The following MAP2 variants were observed in gnomAD, a reference collection of about 807,000 sequenced individuals.
MAP2 encodes microtubule-associated protein 2.
A neutral mutation model predicts 137.6 loss-of-function variants in MAP2; 14 were observed. That is an observed-to-expected ratio of 0.10 (90% confidence interval 0.07 to 0.16). MAP2 has a LOEUF of 0.16. MAP2 is among the 10% of genes least tolerant of loss of function. MAP2 has a pLI of 1.00. For synonymous variants in MAP2, 786 were observed against 782.3 expected (o/e 1.00, Z -0.08); for missense variants, 2,088 against 2,191.5 (o/e 0.95, Z 0.94).
intron 3 of MAP2, among the ~76,000 whole-genome samples, chr2:209,587,248 C>T (rs1273735929): frequency 6.6e-6 from 1 of 152,106 alleles, no homozygotes; most frequent in Non-Finnish European, 1.5e-5. Flanking sequence ...CATCACACTC[C>T]TCTGTGGGAA....
At chr2:209,727,497 GT>G (rs1354850346) in intron 14 of MAP2, among the ~76,000 whole-genome samples, 6 of 152,190 alleles carry the variant, frequency 3.9e-5, no homozygotes, top group Non-Finnish European at 7.3e-5. Flanking sequence ...ATAAAAGGCT[GT>G]TGTCATGGAC....
intron 1 of MAP2, among the ~76,000 whole-genome samples, chr2:209,427,348 A>G (rs183561681): frequency 9.9e-5 from 15 of 152,138 alleles, no homozygotes; most frequent in Admixed American, 9.2e-4. Context: ...ACAATCTCAA[A>G]TTTTTTTGTC....
intron 4 of MAP2, among the ~76,000 whole-genome samples, chr2:209,642,012 C>G (rs138842898): frequency 6.6e-6 from 1 of 152,054 alleles, no homozygotes; most frequent in Non-Finnish European, 1.5e-5. Context: ...AGCAATGGAA[C>G]GGATGTTGGG....
At chr2:209,493,220 T>C (rs2059349502) in intron 1 of MAP2, among the ~76,000 whole-genome samples, 1 of 152,208 alleles carries the variant, frequency 6.6e-6, no homozygotes, top group Non-Finnish European at 1.5e-5. Flanking sequence ...GAAAACTCGC[T>C]AGCCATATGC....
At chr2:209,572,041 A>G (rs2074482319) in intron 2 of MAP2, among the ~76,000 whole-genome samples, 1 of 151,984 alleles carries the variant, frequency 6.6e-6, no homozygotes, top group African/African-American at 2.4e-5. Flanking sequence ...ATCCAAAAAT[A>G]ATTTGAAATG....
At chr2:209,580,585 T>C (rs2076183531) in intron 3 of MAP2, among the ~76,000 whole-genome samples, 1 of 152,154 alleles carries the variant, frequency 6.6e-6, no homozygotes, top group Non-Finnish European at 1.5e-5. Context: ...ACAAATAAAA[T>C]ATTGTAACTT....
intron 1 of MAP2, among the ~76,000 whole-genome samples, chr2:209,452,940 T>G (rs1415346263): frequency 2.6e-5 from 4 of 152,048 alleles, no homozygotes; most frequent in Non-Finnish European, 5.9e-5. Flanking sequence ...TACCTATCCA[T>G]TTTTTTCTTC....
At chr2:209,533,722 C>T (rs929410039) in intron 2 of MAP2, among the ~76,000 whole-genome samples, 8 of 152,156 alleles carry the variant, frequency 5.3e-5, no homozygotes, top group Non-Finnish European at 1.0e-4. Flanking sequence ...AGAATTGTCT[C>T]GTTCTAGGGA....
chr2:209,543,020 T>C (rs1478325378), intron 2 of MAP2, among the ~76,000 whole-genome samples: 1 of 152,238 alleles, frequency 6.6e-6, no homozygotes, highest in Non-Finnish European at 1.5e-5. Flanking sequence ...TATTTCAGTT[T>C]TTAACATGCC....
At chr2:209,636,388 T>C (rs2093565773) in intron 4 of MAP2, among the ~76,000 whole-genome samples, 1 of 152,112 alleles carries the variant, frequency 6.6e-6, no homozygotes. Context: ...CCTACTGGCC[T>C]ACTGGGAAGC....
chr2:209,600,167 A>G (rs979329331), intron 3 of MAP2, among the ~76,000 whole-genome samples: 1 of 152,088 alleles, frequency 6.6e-6, no homozygotes, highest in Admixed American at 6.6e-5. Flanking sequence ...TTTCACTCTT[A>G]CCCAAAATAA....
At chr2:209,686,164 G>A (rs536618023) in intron 7 of MAP2, among the ~76,000 whole-genome samples, 3 of 152,280 alleles carry the variant, frequency 2.0e-5, no homozygotes, top group Non-Finnish European at 4.4e-5. Flanking sequence ...GCTCAGCTGC[G>A]AAATCGTGCC....
Position 209,696,941 on chromosome 2 carries a change from C to T in MAP2, c.4412C>T (p.Ala1471Val), listed in dbSNP as rs1255997387. The T allele has an allele frequency of 1.5e-5, 24 of 1,607,248 alleles. No individual in the cohort carries two copies. The highest frequency in any genetic ancestry group is 2.0e-5 in the Non-Finnish European group (24 of 1,178,350). ...KKAVYKKAEL[A>V]KKTEVQAHSP... ...GCAGTTTATAAGAAGGCTGAACTTGCTAAAAAAACAGAAGTTCAGGCCCAC... is the reference window on the plus strand; with the variant it reads ...GCAGTTTATAAGAAGGCTGAACTTGTTAAAAAAACAGAAGTTCAGGCCCAC... Residue 1471 changes from alanine to valine, a missense_variant, in exon 10 of 16, where the codon GCT becomes GTT. Ala to Val is a moderately conservative substitution (Grantham distance 64). Around this residue, in one of 6 missense-constraint regions of MAP2, gnomAD observed 591 missense variants for 642.6 expected, o/e 0.92. Coordinates refer to ENST00000682079, the MANE Select transcript of MAP2 (RefSeq NM_001375505.1).
At chr2:209,716,968 G>C (rs1411705864) in intron 13 of MAP2, among the ~76,000 whole-genome samples, 1 of 151,598 alleles carries the variant, frequency 6.6e-6, no homozygotes, top group Non-Finnish European at 1.5e-5. Context: ...GAGTAAAAGA[G>C]CAGGTTTCTG....
chr2:209,442,529 C>T (rs577870764), intron 1 of MAP2, among the ~76,000 whole-genome samples: 1 of 151,710 alleles, frequency 6.6e-6, no homozygotes, highest in East Asian at 1.9e-4. Context: ...TCTCCTCATC[C>T]TCTACCTCCA....
chr2:209,553,022 T>A (rs1455206383), intron 2 of MAP2, among the ~76,000 whole-genome samples: 1 of 151,924 alleles, frequency 6.6e-6, no homozygotes, highest in Non-Finnish European at 1.5e-5. Flanking sequence ...GTTGTTGTTT[T>A]TTTTTTTGAG....
chr2:209,557,483 C>CA (rs1164856799), intron 2 of MAP2, among the ~76,000 whole-genome samples: 13 of 152,202 alleles, frequency 8.5e-5, no homozygotes, highest in African/African-American at 3.1e-4. Context: ...TGCACATTCA[C>CA]ACCAGAGTGA....
intron 2 of MAP2, among the ~76,000 whole-genome samples, chr2:209,578,143 G>A (rs2075644188): frequency 6.6e-6 from 1 of 152,166 alleles, no homozygotes; most frequent in Admixed American, 6.5e-5. Flanking sequence ...GGGTGCCTGG[G>A]TTTTGTGACC....
chr2:209,724,078 A>G (rs1035992841), intron 13 of MAP2, among the ~76,000 whole-genome samples: 4 of 152,214 alleles, frequency 2.6e-5, no homozygotes, highest in Non-Finnish European at 4.4e-5. Flanking sequence ...TAAATTACCC[A>G]TGAGGCAAAG....
Sources: allele counts gnomAD v4.1 joint callset (sites outside exome capture counted in the v4.1 genomes callset), GRCh38; gene constraint gnomAD v4.1.1; regional missense constraint gnomAD v4.1.1; transcripts MANE v1.5; gene names NCBI Gene and HGNC (gene_info 2026-07-23, HGNC 2026-07-21).